The following SEPTIN7 variants were observed in gnomAD, a reference collection of about 807,000 sequenced individuals.
SEPTIN7 encodes the protein septin-7.
Under a neutral mutation model 63.3 loss-of-function variants are expected in SEPTIN7, and 10 were observed. The observed-to-expected ratio is 0.16, with a 90% CI of 0.10 to 0.27. The LOEUF is 0.27. Ranked by LOEUF, SEPTIN7 falls within the 10% of genes least tolerant of loss-of-function variation. The probability of loss-of-function intolerance (pLI) is 1.00; values close to 1 mark genes in which losing one functional copy is unlikely to be tolerated. For synonymous variants in SEPTIN7, 131 were observed against 165.3 expected (o/e 0.79, Z 1.59); for missense variants, 310 against 521.0 (o/e 0.59, Z 3.94).
chr7:35,860,683 C>T (rs1785457410), intron 3 of SEPTIN7, among the ~76,000 whole-genome samples: 1 of 152,196 alleles, frequency 6.6e-6, no homozygotes, highest in African/African-American at 2.4e-5. Context: ...TGCCTTCAGG[C>T]CTCCAAGGTT....
chr7:35,904,346 C>A lies in SEPTIN7; in HGVS notation c.*53C>A. The A allele has an allele frequency of 6.9e-7, 1 of 1,443,458 alleles. No homozygotes were observed. The highest frequency in any genetic ancestry group is 9.4e-7 in the Non-Finnish European group (1 of 1,063,802). The allele number at this position is 1,443,458 out of a possible 1,614,324, so 89.4% of individuals were successfully genotyped here. ...TTAGTTGCCAATATGCCAGCTTGGA[C>A]ATCAGTGTTTGTTGGATCCGTTTGA... On this transcript the variant is annotated 3_prime_UTR_variant, in exon 14 of 14. Coordinates refer to ENST00000350320, the MANE Select transcript of SEPTIN7 (RefSeq NM_001788.6).
intron 3 of SEPTIN7, among the ~76,000 whole-genome samples, chr7:35,837,332 G>A (rs546534735): frequency 1.9e-4 from 29 of 152,034 alleles, no homozygotes; most frequent in African/African-American, 4.8e-4. Context: ...TTGTGATATC[G>A]TACGTTCTTT....
At chr7:35,815,790 AC>A (rs1789018699) in intron 1 of SEPTIN7, among the ~76,000 whole-genome samples, 1 of 151,964 alleles carries the variant, frequency 6.6e-6, no homozygotes, top group Non-Finnish European at 1.5e-5. Flanking sequence ...TTTATTTGTT[AC>A]TATTTCTTTT....
the SEPTIN7 span, among the ~76,000 whole-genome samples, chr7:35,913,430 T>TCTTA: frequency 6.6e-6 from 1 of 152,074 alleles, no homozygotes; most frequent in Non-Finnish European, 1.5e-5. Flanking sequence ...TTTTTCTCTC[T>TCTTA]CTTTCTTTCT....
At chr7:35,883,752 C>T in intron 8 of SEPTIN7, 139 bp from the exon 9 acceptor site, 2 of 491,224 alleles carry the variant, frequency 4.1e-6, no homozygotes, top group Non-Finnish European at 7.3e-6. Context: ...GTTAAATGGC[C>T]TATAAAAACT....
At chr7:35,819,072 A>G (rs571427275) in intron 1 of SEPTIN7, among the ~76,000 whole-genome samples, 4 of 151,980 alleles carry the variant, frequency 2.6e-5, no homozygotes, top group Non-Finnish European at 5.9e-5. Flanking sequence ...TTTCTTTTTA[A>G]TATAGGCATT....
rs1319888049 is a variant in SEPTIN7 at position 35,879,854 on chromosome 7, C to T, written c.544C>T (p.Arg182Cys). The change falls in exon 7 of 14, where the codon CGT becomes TGT. Residue 182 changes from arginine to cysteine, a missense_variant. By Grantham distance (180) the Arg-to-Cys change is radical. Around this residue, in one of 2 missense-constraint regions of SEPTIN7, gnomAD observed 255 missense variants for 490.5 expected, o/e 0.52. Transcript: ENST00000350320. The stretch of plus-strand genomic sequence containing the variant: ...ACCATTGGATATTGAGTTTATGAAG[C>T]GTTTGCATGAAAAAGTGAATATCAT... The part of the protein sequence containing the change: ...LKPLDIEFMK[R>C]LHEKVNIIPL... 13 of 1,593,930 alleles carry T rather than the reference C, an allele frequency of 8.2e-6. No individual in the cohort carries two copies. The East Asian group carries it at 2.0e-4, about 25-fold the overall frequency.
chr7:35,829,038 A>G (rs1380369023), intron 1 of SEPTIN7, among the ~76,000 whole-genome samples: 1 of 151,766 alleles, frequency 6.6e-6, no homozygotes, highest in East Asian at 1.9e-4. Flanking sequence ...TGAGTCCCAA[A>G]TGATCAGGCC....
At position 35,826,785 on chromosome 7, in the gene SEPTIN7, ATTT is replaced by A. The variant is rs553106551; in HGVS notation, c.62-4704_62-4702del. ...AGTTGCTGCTTTTTCCTATTGGAAA[ATTT>A]TTATCTACTGGAAAATTTGTTGAAA... On this transcript the variant is annotated intron_variant, in intron 1 of 13. Transcript: ENST00000350320. 7.2e-4 allele frequency among the ~76,000 whole-genome samples: 109 copies of A among 152,202 alleles called. 2 individuals carry two copies. In the South Asian group the frequency reaches 0.022, roughly 31 times the overall value.
Position 35,819,290 on chromosome 7 carries a change from C to T in SEPTIN7, c.62-12202C>T, listed in dbSNP as rs145969258. Among the ~76,000 whole-genome samples, 815 of 152,232 alleles carry T rather than the reference C, an allele frequency of 5.4e-3. 2 individuals carry two copies. Among genetic ancestry groups the T allele is most frequent in the Non-Finnish European group, 9.2e-3 (625 of 67,960 alleles). ...TTTCTCTGCAGTTGATTTCTAACTT[C>T]ATTCTCTAGTGGATGAAGAATATAC... is the stretch of plus-strand genomic sequence containing the variant. On this transcript the variant is annotated intron_variant, in intron 1 of 13. Transcript: ENST00000350320.
intron 4 of SEPTIN7, among the ~76,000 whole-genome samples, chr7:35,864,341 T>G (rs1306718271): frequency 5.3e-5 from 8 of 152,162 alleles, no homozygotes; most frequent in Non-Finnish European, 8.8e-5. Flanking sequence ...AATTTCTACA[T>G]TTCTAACAAG....
At chr7:35,899,354 G>T (rs1788160707) in intron 12 of SEPTIN7, 1 of 152,164 alleles carries the variant, frequency 6.6e-6, no homozygotes, top group South Asian at 2.1e-4. Context: ...GGCCAACATG[G>T]TGAAACCTCA....
At chr7:35,811,362 T>C (rs1434177891) in intron 1 of SEPTIN7, among the ~76,000 whole-genome samples, 1 of 152,202 alleles carries the variant, frequency 6.6e-6, no homozygotes, top group Non-Finnish European at 1.5e-5. Context: ...AAATTTAGTA[T>C]ATAAACTTGG....
intron 4 of SEPTIN7, 134 bp from the exon 5 acceptor site, chr7:35,872,532 G>C (rs995503255): frequency 1.5e-6 from 1 of 657,980 alleles, no homozygotes; most frequent in Non-Finnish European, 2.8e-6. Context: ...AAGGTAATGT[G>C]GTAGTAGGTA....
chr7:35,839,968 C>A (rs1333788856), intron 3 of SEPTIN7, among the ~76,000 whole-genome samples: 1 of 152,178 alleles, frequency 6.6e-6, no homozygotes, highest in African/African-American at 2.4e-5. Context: ...TGTATGTTGG[C>A]AGACAGAGGG....
At chr7:35,811,987 C>A in intron 1 of SEPTIN7, 2 of 185,066 alleles carry the variant, frequency 1.1e-5, no homozygotes, top group South Asian at 6.5e-5. Context: ...ATTAGCCAGA[C>A]ATGGTGGTTG....
At chr7:35,820,423 G>A (rs1789344295) in intron 1 of SEPTIN7, among the ~76,000 whole-genome samples, 1 of 151,780 alleles carries the variant, frequency 6.6e-6, no homozygotes. Flanking sequence ...CTCTGGCTCT[G>A]TTCATTTTTC....
chr7:35,807,573 C>G (rs1448970398), intron 1 of SEPTIN7, among the ~76,000 whole-genome samples: 2 of 151,950 alleles, frequency 1.3e-5, no homozygotes. Context: ...CTGTGTTAGC[C>G]AGGATGGTCT....
intron 3 of SEPTIN7, among the ~76,000 whole-genome samples, chr7:35,862,549 G>A (rs1225903501): frequency 6.6e-6 from 1 of 152,114 alleles, no homozygotes; most frequent in African/African-American, 2.4e-5. Context: ...TTACTTTCCT[G>A]TGACTTAGAC....
Sources: allele counts gnomAD v4.1 joint callset (sites outside exome capture counted in the v4.1 genomes callset), GRCh38; gene constraint gnomAD v4.1.1; regional missense constraint gnomAD v4.1.1; transcripts MANE v1.5; gene names NCBI Gene and HGNC (gene_info 2026-07-23, HGNC 2026-07-21).